The following USH2A variants were observed in gnomAD, a reference collection of about 807,000 sequenced individuals.
USH2A encodes the protein usherin.
USH2A carries 443 observed loss-of-function variants against 538.9 expected under a neutral mutation model. The observed-to-expected ratio is 0.82, with a 90% CI of 0.76 to 0.89. The LOEUF (loss-of-function observed/expected upper bound fraction) is 0.89, where lower values mean the gene tolerates loss of function less well. Ranked by LOEUF, USH2A falls within the 40% of genes least tolerant of loss-of-function variation. The pLI is 0.00. For synonymous variants in USH2A, 2,413 were observed against 2,273.5 expected (o/e 1.06, Z -1.75); for missense variants, 6,633 against 6,324.8 (o/e 1.05, Z -1.65).
At chr1:216,159,165 A>G (rs2034005485) in intron 21 of USH2A, among the ~76,000 whole-genome samples, 1 of 152,138 alleles carries the variant, frequency 6.6e-6, no homozygotes, top group African/African-American at 2.4e-5. Context: ...CTTCTTTGAC[A>G]TACCTAATAC....
chr1:216,165,496 A>AT (rs1239684559), intron 21 of USH2A, among the ~76,000 whole-genome samples: 3 of 152,172 alleles, frequency 2.0e-5, no homozygotes, highest in Non-Finnish European at 2.9e-5. Context: ...TTTAAAATGT[A>AT]TTTTCTTACA....
At chr1:216,250,365 A>C (rs2036133919) in intron 12 of USH2A, among the ~76,000 whole-genome samples, 1 of 152,192 alleles carries the variant, frequency 6.6e-6, no homozygotes, top group African/African-American at 2.4e-5. Context: ...CTTTGTAAGT[A>C]ACCCTAGCAA....
At chr1:215,747,659 G>A (rs17025333) in intron 58 of USH2A, among the ~76,000 whole-genome samples, 5,259 of 152,250 alleles carry the variant, frequency 0.035, 444 homozygotes, top group East Asian at 0.27. Flanking sequence ...GGTGGTAAGA[G>A]AGATTGAAGA....
intron 11 of USH2A, among the ~76,000 whole-genome samples, chr1:216,252,380 C>T (rs2036179352): frequency 6.6e-6 from 1 of 152,126 alleles, no homozygotes; most frequent in Non-Finnish European, 1.5e-5. Context: ...CATTTGGAGG[C>T]AGAGTTACCA....
intron 32 of USH2A, among the ~76,000 whole-genome samples, chr1:216,010,414 C>A (rs1668531183): frequency 6.6e-6 from 1 of 152,078 alleles, no homozygotes; most frequent in Non-Finnish European, 1.5e-5. Flanking sequence ...CCCAGAGCCC[C>A]TGGAACTCTG....
chr1:215,688,597 T>A (rs1658506801), intron 61 of USH2A, among the ~76,000 whole-genome samples: 1 of 152,102 alleles, frequency 6.6e-6, no homozygotes, highest in Non-Finnish European at 1.5e-5. Context: ...GATCAAGGTG[T>A]CTTCATGGTT....
intron 41 of USH2A, among the ~76,000 whole-genome samples, chr1:215,882,945 G>A (rs540274753): frequency 6.6e-6 from 1 of 152,056 alleles, no homozygotes; most frequent in Non-Finnish European, 1.5e-5. Flanking sequence ...CATGCCAAAA[G>A]GAAAATGCAT....
At position 215,625,466 on chromosome 1, in the gene USH2A, A is replaced by G. The variant is rs1295758601; in HGVS notation, c.*315T>C. ...AACTGTGAGCCATCTTGAAATTGCC[A>G]CTGATTATTCAGTTAACCAGGAGCA... On this transcript the variant is annotated 3_prime_UTR_variant, in exon 72 of 72. Coordinates refer to ENST00000307340, the MANE Select transcript of USH2A (RefSeq NM_206933.4). 2.8e-5 allele frequency: 11 copies of G among 388,892 alleles called. No individual in the cohort carries two copies. Among genetic ancestry groups the G allele is most frequent in the Admixed American group, 2.4e-4 (6 of 25,174 alleles). The allele number at this position is 388,892 out of a possible 1,614,324, so 24.1% of individuals were successfully genotyped here.
At chr1:216,174,289 T>A (rs2034329440) in intron 21 of USH2A, 2 of 977,924 alleles carry the variant, frequency 2.0e-6, no homozygotes, top group African/African-American at 1.8e-5. Flanking sequence ...TCTTTATGAG[T>A]TTACATAATA....
Position 215,674,110 on chromosome 1 carries a change from G to C in USH2A, c.13801C>G (p.Pro4601Ala), listed in dbSNP as rs779202230. 1 of 1,614,006 alleles carries C rather than the reference G, an allele frequency of 6.2e-7. No homozygotes were observed. Among genetic ancestry groups the C allele is most frequent in the Non-Finnish European group, 8.5e-7 (1 of 1,179,970 alleles). Residue 4601 changes from proline to alanine, a missense_variant, in exon 63 of 72, where the codon CCA becomes GCA. Coordinates refer to ENST00000307340, the MANE Select transcript of USH2A (RefSeq NM_206933.4). ...MQSYIVNQLKPFHRYEIRIQA... is the reference protein window; with the variant it reads ...MQSYIVNQLKAFHRYEIRIQA... ...GACATGGCTACCTACCTGTGAAATG[G>C]CTTCAGCTGGTTTACTATATATGAC... is the stretch of plus-strand genomic sequence containing the variant.
chr1:216,233,475 T>C (rs189879212), intron 13 of USH2A, among the ~76,000 whole-genome samples: 1 of 152,182 alleles, frequency 6.6e-6, no homozygotes, highest in East Asian at 1.9e-4. Flanking sequence ...CTAACTTCCA[T>C]AAGGGCAGAA....
chr1:216,117,907 T>C (rs1280635162), intron 21 of USH2A, among the ~76,000 whole-genome samples: 2 of 151,576 alleles, frequency 1.3e-5, no homozygotes, highest in Non-Finnish European at 2.9e-5. Flanking sequence ...TATACACAGA[T>C]ATATATATGC....
chr1:215,971,767 C>T lies in USH2A; in HGVS notation c.6806-991G>A, dbSNP rs542847403. 1.6e-4 allele frequency among the ~76,000 whole-genome samples: 24 copies of T among 152,178 alleles called. No individual in the cohort carries two copies. The Middle Eastern group carries it at 0.01, about 65-fold the overall frequency. On this transcript the variant is annotated intron_variant, in intron 35 of 71. Coordinates refer to ENST00000307340, the MANE Select transcript of USH2A (RefSeq NM_206933.4). ...GATTTGTATATTGTAGCCAATTTTCCGTCCTCCTTTCCCCATTGATTCATG... is the reference window on the plus strand; with the variant it reads ...GATTTGTATATTGTAGCCAATTTTCTGTCCTCCTTTCCCCATTGATTCATG...
chr1:216,423,075 C>T (rs868015683), intron 1 of USH2A, 139 bp downstream of exon 1: 1 of 152,144 alleles, frequency 6.6e-6, no homozygotes, highest in African/African-American at 2.4e-5. Flanking sequence ...TGATTAGAAA[C>T]CCAACACCAT....
chr1:215,722,549 TA>T (rs1180096860), intron 61 of USH2A, among the ~76,000 whole-genome samples: 5 of 152,222 alleles, frequency 3.3e-5, no homozygotes, highest in Non-Finnish European at 5.9e-5. Context: ...CATATCTACT[TA>T]ATGGTAAAGA....
At chr1:216,174,646 T>C (rs1300520939) in intron 21 of USH2A, 2 of 985,276 alleles carry the variant, frequency 2.0e-6, no homozygotes, top group Non-Finnish European at 2.4e-6. Context: ...GAGCCTCACT[T>C]GCTTTACCAT....
intron 61 of USH2A, among the ~76,000 whole-genome samples, chr1:215,719,730 G>T: frequency 6.6e-6 from 1 of 152,154 alleles, no homozygotes; most frequent in East Asian, 1.9e-4. Flanking sequence ...GCAGCCCTAT[G>T]AGATAAGCAA....
intron 38 of USH2A, among the ~76,000 whole-genome samples, chr1:215,921,454 T>A (rs1666097792): frequency 6.6e-6 from 1 of 152,008 alleles, no homozygotes; most frequent in Non-Finnish European, 1.5e-5. Flanking sequence ...TGAGGACAGT[T>A]CTCTAGGCCA....
intron 22 of USH2A, among the ~76,000 whole-genome samples, chr1:216,096,112 G>A (rs1041541184): frequency 1.3e-5 from 2 of 152,066 alleles, no homozygotes; most frequent in African/African-American, 4.8e-5. Context: ...GAAGACAACT[G>A]TTCAGTGCTT....
Sources: gnomAD v4.1 joint callset for allele counts (sites outside exome capture counted in the v4.1 genomes callset) on GRCh38, gnomAD v4.1.1 for gene constraint, MANE v1.5 for transcripts, NCBI Gene and HGNC (gene_info 2026-07-23, HGNC 2026-07-21) for gene names.